SMYD3: variants seen among roughly 807,000 people sequenced by gnomAD.
The protein encoded by SMYD3 is histone-lysine N-methyltransferase SMYD3.
A neutral mutation model predicts 57.7 loss-of-function variants in SMYD3; 36 were observed. The observed-to-expected ratio is 0.62, with a 90% CI of 0.48 to 0.82. The LOEUF is 0.82. SMYD3 is among the 40% of genes least tolerant of loss of function. SMYD3 has a pLI of 0.00. For synonymous variants in SMYD3, 211 were observed against 195.0 expected, an observed-to-expected ratio of 1.08 and a Z score of -0.68; for missense variants, 515 against 538.8, an observed-to-expected ratio of 0.96 and a Z score of 0.44.
intron 8 of SMYD3, among the ~76,000 whole-genome samples, chr1:245,915,304 C>T (rs2055323402): frequency 6.6e-6 from 1 of 152,190 alleles, no homozygotes; most frequent in African/African-American, 2.4e-5. Context: ...TGACTCTAAA[C>T]TCCACAGATC....
intron 5 of SMYD3, among the ~76,000 whole-genome samples, chr1:246,025,223 C>T (rs1409715095): frequency 1.4e-5 from 2 of 142,218 alleles, no homozygotes; most frequent in East Asian, 4.3e-4. Context: ...AAGTGAACAG[C>T]ATCTAGGAAG....
intron 8 of SMYD3, among the ~76,000 whole-genome samples, chr1:245,867,735 G>C (rs909802187): frequency 2.6e-5 from 4 of 152,186 alleles, no homozygotes; most frequent in Admixed American, 6.5e-5. Flanking sequence ...GAGGGATGGG[G>C]AATACTGGCA....
chr1:246,353,948 C>G (rs1299012311), intron 2 of SMYD3, among the ~76,000 whole-genome samples: 1 of 152,128 alleles, frequency 6.6e-6, no homozygotes, highest in East Asian at 1.9e-4. Flanking sequence ...ACCTGGAACC[C>G]CTGATATTTT....
intron 5 of SMYD3, among the ~76,000 whole-genome samples, chr1:245,977,699 C>T (rs1474383285): frequency 6.6e-6 from 1 of 152,056 alleles, no homozygotes; most frequent in African/African-American, 2.4e-5. Context: ...ACAAAAAACC[C>T]CAAAACTTAA....
chr1:245,885,948 G>A (rs927466181), intron 8 of SMYD3, among the ~76,000 whole-genome samples: 19 of 152,126 alleles, frequency 1.2e-4, no homozygotes, highest in African/African-American at 3.9e-4. Context: ...CATGTTGAAC[G>A]CAACCTAATT....
chr1:245,918,085 C>T (rs1339464331), intron 7 of SMYD3, among the ~76,000 whole-genome samples: 1 of 152,214 alleles, frequency 6.6e-6, no homozygotes, highest in Non-Finnish European at 1.5e-5. Flanking sequence ...CCGTCACCAT[C>T]ACCAACGGGA....
At chr1:246,356,075 G>A (rs540546900) in intron 1 of SMYD3, among the ~76,000 whole-genome samples, 1 of 152,230 alleles carries the variant, frequency 6.6e-6, no homozygotes, top group Non-Finnish European at 1.5e-5. Flanking sequence ...AAGGGCCCTT[G>A]TAGAGTCCAC....
chr1:246,305,304 C>A (rs1383061735), intron 5 of SMYD3, among the ~76,000 whole-genome samples: 1 of 151,142 alleles, frequency 6.6e-6, no homozygotes, highest in African/African-American at 2.5e-5. Flanking sequence ...TGAACTCCAA[C>A]AACAATTTAA....
rs10924545 is a variant in SMYD3, at chr1:246,201,290, T to G, written c.531+125911A>C. On this transcript the variant is annotated intron_variant, in intron 5 of 11. Coordinates refer to ENST00000490107, the MANE Select transcript of SMYD3 (RefSeq NM_001167740.2). Reference sequence around the variant, plus strand: ...ATCCACAAAAATTGCTAATCCCTAATGGCAGTCAACCTTATTAATAGGGGG... The same window carrying G: ...ATCCACAAAAATTGCTAATCCCTAAGGGCAGTCAACCTTATTAATAGGGGG... Among the ~76,000 whole-genome samples the G allele has an allele frequency of 1.2e-3, 187 of 152,008 alleles. 1 individual carries two copies. The highest frequency in any genetic ancestry group is 4.2e-3 in the African/African-American group (175 of 41,448).
intron 5 of SMYD3, among the ~76,000 whole-genome samples, chr1:245,969,114 G>A (rs2058230616): frequency 6.6e-6 from 1 of 152,128 alleles, no homozygotes; most frequent in Admixed American, 6.6e-5. Context: ...AAGTACTTCT[G>A]AGTTCTCTTT....
intron 10 of SMYD3, among the ~76,000 whole-genome samples, chr1:245,796,639 A>G (rs569791660): frequency 8.5e-4 from 129 of 152,352 alleles, no homozygotes; most frequent in African/African-American, 2.9e-3. Context: ...CTACAGTACC[A>G]TAAATTCAAA....
chr1:245,958,672 T>A (rs2057918652), intron 5 of SMYD3, among the ~76,000 whole-genome samples: 2 of 152,340 alleles, frequency 1.3e-5, no homozygotes, highest in Admixed American at 6.5e-5. Flanking sequence ...TTTCTTTTAC[T>A]ACTAGGGTTA....
chr1:245,814,656 A>C (rs997955303), intron 10 of SMYD3, among the ~76,000 whole-genome samples: 1 of 152,152 alleles, frequency 6.6e-6, no homozygotes, highest in African/African-American at 2.4e-5. Flanking sequence ...TAAAGGCTTC[A>C]AGGTCACTTA....
intron 5 of SMYD3, among the ~76,000 whole-genome samples, chr1:245,972,815 G>A (rs1484198034): frequency 6.6e-6 from 1 of 152,206 alleles, no homozygotes; most frequent in African/African-American, 2.4e-5. Flanking sequence ...ATAACAGCAT[G>A]GAGTGGAGTC....
chr1:246,336,163 A>G (rs1230512747), intron 2 of SMYD3, among the ~76,000 whole-genome samples: 2 of 152,176 alleles, frequency 1.3e-5, no homozygotes, highest in Admixed American at 6.5e-5. Flanking sequence ...TGATGTGGCT[A>G]AAGAGACCAT....
At chr1:245,933,102 A>G (rs1012681352) in intron 5 of SMYD3, among the ~76,000 whole-genome samples, 1 of 152,206 alleles carries the variant, frequency 6.6e-6, no homozygotes, top group African/African-American at 2.4e-5. Context: ...TGTGTGCTCA[A>G]TAATTTGAAA....
At chr1:245,918,029 G>A (rs1404853622) in intron 7 of SMYD3, among the ~76,000 whole-genome samples, 1 of 152,202 alleles carries the variant, frequency 6.6e-6, no homozygotes, top group Non-Finnish European at 1.5e-5. Context: ...TAGGGGTGAT[G>A]GTGGATGGCT....
intron 8 of SMYD3, among the ~76,000 whole-genome samples, chr1:245,888,201 G>T (rs933453321): frequency 6.6e-6 from 1 of 152,046 alleles, no homozygotes; most frequent in Non-Finnish European, 1.5e-5. Flanking sequence ...GTCAGTCTAG[G>T]GTCTTAAATG....
chr1:246,376,577 C>T (rs530857470), intron 1 of SMYD3, among the ~76,000 whole-genome samples: 110 of 127,180 alleles, frequency 8.6e-4, no homozygotes, highest in Non-Finnish European at 1.5e-3. Context: ...GGCAACAGTG[C>T]GACACTCCAT....
Sources: gnomAD v4.1 joint callset for allele counts (sites outside exome capture counted in the v4.1 genomes callset) on GRCh38, gnomAD v4.1.1 for gene constraint, MANE v1.5 for transcripts, NCBI Gene and HGNC (gene_info 2026-07-23, HGNC 2026-07-21) for gene names.